Variants in ATE1 observed in about 807,000 individuals in gnomAD.
ATE1 encodes arginyltransferase 1.
Under a neutral mutation model 70.5 loss-of-function variants are expected in ATE1, and 36 were observed. The ratio of observed to expected loss-of-function variants is 0.51; its 90% confidence interval spans 0.39 to 0.67. The LOEUF (loss-of-function observed/expected upper bound fraction) is 0.67. Ranked by LOEUF, ATE1 falls within the 30% of genes least tolerant of loss-of-function variation. The pLI is 0.00. For synonymous variants in ATE1, 232 were observed against 219.3 expected (o/e 1.06, Z -0.51); for missense variants, 593 against 629.5 (o/e 0.94, Z 0.62).
chr10:121,901,702 T>C (rs2420969), intron 6 of ATE1, among the ~76,000 whole-genome samples: 65,573 of 151,966 alleles, frequency 0.43, 15,346 homozygotes, highest in South Asian at 0.53. Context: ...GAGATCCACC[T>C]GCCTCGGCCT....
intron 7 of ATE1, among the ~76,000 whole-genome samples, chr10:121,872,838 G>A (rs1949910138): frequency 6.6e-6 from 1 of 151,926 alleles, no homozygotes; most frequent in Non-Finnish European, 1.5e-5. Flanking sequence ...TGTCTGATAT[G>A]ACTATATTAA....
At chr10:121,752,242 T>G (rs1396521683) in intron 11 of ATE1, among the ~76,000 whole-genome samples, 1 of 141,166 alleles carries the variant, frequency 7.1e-6, no homozygotes, top group Non-Finnish European at 1.5e-5. Flanking sequence ...AGGTTTTTTT[T>G]TTTTTTGAGA....
At chr10:121,784,423 C>T (rs2133217038) in intron 11 of ATE1, among the ~76,000 whole-genome samples, 1 of 152,284 alleles carries the variant, frequency 6.6e-6, no homozygotes, top group South Asian at 2.1e-4. Flanking sequence ...TAGCAAAAAC[C>T]TGTATTATTG....
chr10:121,854,526 T>C (rs914359529), intron 8 of ATE1, among the ~76,000 whole-genome samples: 4 of 152,216 alleles, frequency 2.6e-5, no homozygotes, highest in Non-Finnish European at 5.9e-5. Flanking sequence ...ACAACTTTTC[T>C]TGGCTCCCAA....
intron 10 of ATE1, among the ~76,000 whole-genome samples, chr10:121,797,679 G>A (rs4752601): frequency 0.62 from 94,398 of 151,404 alleles, 29,428 homozygotes; most frequent in South Asian, 0.66. Flanking sequence ...GTCGTCTACC[G>A]CTTTATCCTC....
chr10:121,924,013 G>A (rs1416468148), intron 2 of ATE1, among the ~76,000 whole-genome samples: 1 of 152,150 alleles, frequency 6.6e-6, no homozygotes, highest in African/African-American at 2.4e-5. Flanking sequence ...AACATGATTG[G>A]CAGAACGTTA....
chr10:121,775,083 C>T (rs973041998), intron 11 of ATE1, among the ~76,000 whole-genome samples: 6 of 152,032 alleles, frequency 3.9e-5, no homozygotes, highest in East Asian at 3.9e-4. Flanking sequence ...TTTAAACATA[C>T]GGTACACAGT....
chr10:121,764,288 T>C (rs1375206792), intron 11 of ATE1, among the ~76,000 whole-genome samples: 1 of 152,138 alleles, frequency 6.6e-6, no homozygotes, highest in Non-Finnish European at 1.5e-5. Context: ...GAGAATGTTC[T>C]ACACTACACC....
At chr10:121,795,758 A>T (rs1230322716) in intron 10 of ATE1, among the ~76,000 whole-genome samples, 1 of 152,230 alleles carries the variant, frequency 6.6e-6, no homozygotes, top group Non-Finnish European at 1.5e-5. Flanking sequence ...TCGAGAGTTA[A>T]ATGACCAAAG....
At chr10:121,785,200 G>T (rs1008099857) in intron 11 of ATE1, among the ~76,000 whole-genome samples, 1 of 152,034 alleles carries the variant, frequency 6.6e-6, no homozygotes, top group African/African-American at 2.4e-5. Context: ...ATATGAAAAC[G>T]ATTTTACCTT....
intron 8 of ATE1, among the ~76,000 whole-genome samples, chr10:121,866,617 G>A (rs933266473): frequency 2.6e-5 from 4 of 152,120 alleles, no homozygotes; most frequent in African/African-American, 9.7e-5. Context: ...GGAGGACCAG[G>A]CGGGTGGATC....
At chr10:121,786,202 GTTTTTTTTTTTTTTTTT>G (rs66781912) in intron 11 of ATE1, among the ~76,000 whole-genome samples, 5 of 84,496 alleles carry the variant, frequency 5.9e-5, no homozygotes, top group East Asian at 4.7e-4. Context: ...GCTCAAGAAA[GTTTTTTTTTTTTTTTTT>G]TTTTTTTTTT....
intron 7 of ATE1, among the ~76,000 whole-genome samples, chr10:121,895,891 TG>T (rs1440186189): frequency 3.3e-5 from 5 of 151,158 alleles, no homozygotes; most frequent in Non-Finnish European, 7.4e-5. Context: ...CACTCCTGCC[TG>T]GGCGACAGAG....
chr10:121,858,659 A>AAT (rs1467250664), intron 8 of ATE1, among the ~76,000 whole-genome samples: 1 of 7,492 alleles, frequency 1.3e-4, no homozygotes, highest in Non-Finnish European at 3.8e-4. Flanking sequence ...TTATACATAT[A>AAT]ATATATATAT....
chr10:121,866,089 G>A (rs1949653969), intron 8 of ATE1, among the ~76,000 whole-genome samples: 3 of 152,206 alleles, frequency 2.0e-5, no homozygotes, highest in Admixed American at 2.0e-4. Context: ...TAAGTCATAA[G>A]CTTAATGGCA....
At chr10:121,779,240 G>A (rs1416667139) in intron 11 of ATE1, among the ~76,000 whole-genome samples, 1 of 151,966 alleles carries the variant, frequency 6.6e-6, no homozygotes, top group Non-Finnish European at 1.5e-5. Flanking sequence ...CCCTGCAATG[G>A]CCTGGTAAGT....
intron 10 of ATE1, among the ~76,000 whole-genome samples, chr10:121,832,902 G>A (rs1182105696): frequency 6.6e-6 from 1 of 152,106 alleles, no homozygotes; most frequent in African/African-American, 2.4e-5. Flanking sequence ...AAGAAGTCTG[G>A]TTAACAACAA....
chr10:121,798,930 G>C (rs1322919002), intron 10 of ATE1, among the ~76,000 whole-genome samples: 1 of 144,306 alleles, frequency 6.9e-6, no homozygotes, highest in East Asian at 2.0e-4. Flanking sequence ...AATGAAGACA[G>C]ACATTACTTC....
intron 4 of ATE1, among the ~76,000 whole-genome samples, chr10:121,911,358 G>A (rs1951417006): frequency 6.6e-6 from 1 of 151,760 alleles, no homozygotes; most frequent in Admixed American, 6.6e-5. Flanking sequence ...AGCTCTTTGG[G>A]AGGCCAACAC....
Sources: gnomAD v4.1 joint callset for allele counts (sites outside exome capture counted in the v4.1 genomes callset) on GRCh38, gnomAD v4.1.1 for gene constraint, MANE v1.5 for transcripts, NCBI Gene and HGNC (gene_info 2026-07-23, HGNC 2026-07-21) for gene names.